Variants in BRAF observed in about 807,000 individuals in gnomAD.
BRAF encodes the protein B-Raf proto-oncogene, serine/threonine kinase, also known as serine/threonine-protein kinase B-raf.
In BRAF, 16 loss-of-function variants were observed where a neutral mutation model predicts 104.6. The ratio of observed to expected loss-of-function variants is 0.15; its 90% CI spans 0.10 to 0.23. The LOEUF is 0.23. BRAF is among the 10% of genes least tolerant of loss of function. The pLI is 1.00. For synonymous variants in BRAF, 310 were observed against 341.6 expected, an observed-to-expected ratio of 0.91 and a Z score of 1.02; for missense variants, 541 against 937.3, an observed-to-expected ratio of 0.58 and a Z score of 5.52.
chr7:140,924,773 G>T lies in BRAF; in HGVS notation c.-70C>A. The T allele has an allele frequency of 3.3e-6, 2 of 597,996 alleles. No homozygotes were observed. The highest frequency in any genetic ancestry group is 5.8e-6 in the Non-Finnish European group (2 of 345,270). The allele number at this position is 597,996 out of a possible 1,614,324, so 37.0% of individuals were successfully genotyped here. ...GAGGGGGAAGGGAGGCGGAGAGCTG[G>T]GGGAGGCGGAGGCGGAGGCGGAGGC... On this transcript the variant is annotated 5_prime_UTR_variant, in exon 1 of 20. Coordinates refer to ENST00000644969, the MANE Select transcript of BRAF (RefSeq NM_001374258.1). The surrounding 1 kb of genome is among the most constrained non-coding windows in gnomAD (Gnocchi z 4.2).
At chr7:140,869,335 A>G (rs1274535573) in intron 1 of BRAF, among the ~76,000 whole-genome samples, 2 of 152,146 alleles carry the variant, frequency 1.3e-5, no homozygotes, top group Admixed American at 6.6e-5. Context: ...TGACATCTTA[A>G]AAATCACTGT....
intron 11 of BRAF, 102 bp downstream of exon 10, chr7:140,782,919 G>T: frequency 7.4e-7 from 1 of 1,342,740 alleles, no homozygotes; most frequent in Non-Finnish European, 1.0e-6. Flanking sequence ...TGGGAATTCT[G>T]TGTCACATAT....
At chr7:140,897,915 C>T (rs1246690432) in intron 1 of BRAF, among the ~76,000 whole-genome samples, 1 of 152,098 alleles carries the variant, frequency 6.6e-6, no homozygotes, top group Non-Finnish European at 1.5e-5. Flanking sequence ...TAAGGAAAGG[C>T]TAGGGCAGGA....
intron 3 of BRAF, among the ~76,000 whole-genome samples, chr7:140,832,911 T>C (rs1806929006): frequency 6.6e-6 from 1 of 151,306 alleles, no homozygotes; most frequent in Non-Finnish European, 1.5e-5. Flanking sequence ...TCTCGCTCTG[T>C]TGCCCAGGCT....
chr7:140,921,351 C>T (rs1336189284), intron 1 of BRAF, among the ~76,000 whole-genome samples: 1 of 152,002 alleles, frequency 6.6e-6, no homozygotes, highest in East Asian at 1.9e-4. Context: ...ATTTAATAAG[C>T]ACTAATCATT....
At chr7:140,823,916 T>A (rs912444576) in intron 3 of BRAF, 3 of 152,188 alleles carry the variant, frequency 2.0e-5, no homozygotes, top group Non-Finnish European at 2.9e-5. Flanking sequence ...TAATTAGCAA[T>A]GTTGGGCATC....
intron 3 of BRAF, among the ~76,000 whole-genome samples, chr7:140,816,796 A>G (rs1804926684): frequency 6.6e-6 from 1 of 152,192 alleles, no homozygotes; most frequent in Non-Finnish European, 1.5e-5. Context: ...AAATTAATTT[A>G]GTAGTTTTAG....
chr7:140,908,686 G>A (rs1470086267), intron 1 of BRAF, among the ~76,000 whole-genome samples: 2 of 152,156 alleles, frequency 1.3e-5, no homozygotes, highest in Non-Finnish European at 2.9e-5. Flanking sequence ...CAATCACATG[G>A]ATATGGGAGT....
intron 14 of BRAF, 21 bp downstream of exon 13, chr7:140,776,877 AATAATTTACAAGAC>A: frequency 6.3e-7 from 1 of 1,594,830 alleles, no homozygotes; most frequent in Non-Finnish European, 8.6e-7. Context: ...GGTCTTCAAA[AATAATTTACAAGAC>A]ATTTAACGAA....
intron 1 of BRAF, among the ~76,000 whole-genome samples, chr7:140,891,410 C>T (rs1304052043): frequency 6.6e-6 from 1 of 152,116 alleles, no homozygotes; most frequent in African/African-American, 2.4e-5. Flanking sequence ...TTTCCATATA[C>T]TTTAAATCAT....
intron 3 of BRAF, among the ~76,000 whole-genome samples, chr7:140,816,239 A>C (rs1452361339): frequency 6.6e-6 from 1 of 152,174 alleles, no homozygotes; most frequent in Non-Finnish European, 1.5e-5. Context: ...CTGTACCAAT[A>C]TGTAAAAGGT....
chr7:140,805,364 A>G (rs531545632), intron 5 of BRAF, among the ~76,000 whole-genome samples: 54 of 152,296 alleles, frequency 3.5e-4, no homozygotes, highest in African/African-American at 1.3e-3. Context: ...AAAATCTTTA[A>G]AATTTTTTAT....
intron 1 of BRAF, among the ~76,000 whole-genome samples, chr7:140,919,837 T>TTTTTG (rs1554429864): frequency 2.0e-5 from 3 of 151,862 alleles, no homozygotes; most frequent in Non-Finnish European, 4.4e-5. Flanking sequence ...TTTGTTTTTT[T>TTTTTG]TTTGTTTGTT....
In BRAF at chr7:140,724,629, G is replaced by A; in HGVS notation, c.*1865C>T. On this transcript the variant is annotated 3_prime_UTR_variant, in exon 20 of 20. Coordinates refer to ENST00000644969, the MANE Select transcript of BRAF (RefSeq NM_001374258.1). The stretch of plus-strand genomic sequence containing the variant: ...TAGGCTTTCTTCTGAATACATGTAT[G>A]TTAGCAAAAATCTAATGGTAGTGAG... 3.9e-6 allele frequency: 4 copies of A among 1,036,660 alleles called. No individual in the cohort carries two copies. Among genetic ancestry groups the A allele is most frequent in the Non-Finnish European group, 4.6e-6 (4 of 860,982 alleles). The allele number at this position is 1,036,660 out of a possible 1,614,324, so 64.2% of individuals were successfully genotyped here. A position where few individuals can be genotyped will look rare whatever the true frequency, so the allele number is the denominator to read the frequency against.
At chr7:140,765,912 A>G (rs1462460302) in intron 14 of BRAF, among the ~76,000 whole-genome samples, 1 of 142,564 alleles carries the variant, frequency 7.0e-6, no homozygotes, top group East Asian at 2.0e-4. Context: ...GGGATCTAGA[A>G]CTAGAAATAC....
chr7:140,727,015 G>C (rs773456007), intron 19 of BRAF, among the ~76,000 whole-genome samples: 3 of 152,120 alleles, frequency 2.0e-5, no homozygotes, highest in Non-Finnish European at 4.4e-5. Flanking sequence ...AGAAAATCCA[G>C]ACTGCCTATT....
chr7:140,914,618 T>C (rs1259019394), intron 1 of BRAF, among the ~76,000 whole-genome samples: 1 of 152,080 alleles, frequency 6.6e-6, no homozygotes, highest in African/African-American at 2.4e-5. Flanking sequence ...TACTTTATCT[T>C]TTTATGGTAA....
rs757143536 is a variant in BRAF at position 140,726,375 on chromosome 7, T to C, written c.*119A>G. On this transcript the variant is annotated 3_prime_UTR_variant, in exon 20 of 20. Transcript: ENST00000644969. ...TTCCATTCTGTTCCACATCAGCTTA[T>C]GCATTGGAAATTTTGTATCTTTAAA... 2 of 1,503,544 alleles carry C rather than the reference T, an allele frequency of 1.3e-6. No homozygotes were observed. Among genetic ancestry groups the C allele is most frequent in the Non-Finnish European group, 1.8e-6 (2 of 1,133,914 alleles). The allele number at this position is 1,503,544 out of a possible 1,614,324, so 93.1% of individuals were successfully genotyped here. A position where few individuals can be genotyped will look rare whatever the true frequency, so the allele number is the denominator to read the frequency against.
intron 7 of BRAF, among the ~76,000 whole-genome samples, chr7:140,798,468 G>GC (rs1802727905): frequency 6.6e-6 from 1 of 150,944 alleles, no homozygotes; most frequent in East Asian, 2.0e-4. Flanking sequence ...CACTGTGTTA[G>GC]CCAGGATGGT....
Sources: allele counts gnomAD v4.1 joint callset (sites outside exome capture counted in the v4.1 genomes callset), GRCh38; gene constraint gnomAD v4.1.1; non-coding constraint Gnocchi (gnomAD v3.1); transcripts MANE v1.5; gene names NCBI Gene and HGNC (gene_info 2026-07-23, HGNC 2026-07-21).